The following URB1 variants were observed in gnomAD, a reference collection of about 807,000 sequenced individuals.
The protein encoded by URB1 is nucleolar pre-ribosomal-associated protein 1.
Under a neutral mutation model 242.3 loss-of-function variants are expected in URB1, and 197 were observed. The observed-to-expected ratio is 0.81, with a 90% confidence interval of 0.72 to 0.91. The LOEUF (loss-of-function observed/expected upper bound fraction) is 0.91. Among genes scored for constraint, URB1 ranks in the 40% least tolerant of loss-of-function variants. The probability of loss-of-function intolerance (pLI) is 0.00; values close to 1 mark genes in which losing one functional copy is unlikely to be tolerated. For synonymous variants in URB1, 1,153 were observed against 1,201.8 expected, an observed-to-expected ratio of 0.96 and a Z score of 0.84; for missense variants, 2,721 against 2,860.5, an observed-to-expected ratio of 0.95 and a Z score of 1.11.
In URB1 at chr21:32,354,208, G is replaced by C; in HGVS notation, c.2246-105C>G. On this transcript the variant is annotated intron_variant, in intron 17 of 38. Transcript: ENST00000382751. ...GCAGAATACGTGCAAAAAGAAAAAA[G>C]CCAAATTCCTCTTGGGGGGAGCATT... is the stretch of plus-strand genomic sequence containing the variant. The C allele has an allele frequency of 2.3e-6, 3 of 1,321,922 alleles. No homozygotes were observed. The East Asian group carries it at 7.6e-5, about 34-fold the overall frequency. The allele number at this position is 1,321,922 out of a possible 1,614,324, so 81.9% of individuals were successfully genotyped here. A position where few individuals can be genotyped will look rare whatever the true frequency, so the allele number is the denominator to read the frequency against.
chr21:32,317,125 A>C, intron 37 of URB1, 60 bp from the exon 38 acceptor site: 1 of 1,454,096 alleles, frequency 6.9e-7, no homozygotes, highest in Non-Finnish European at 9.0e-7. Flanking sequence ...ACACAGATCC[A>C]GATGTGGGGA....
In URB1 at chr21:32,345,365, C is replaced by G. The variant is rs1324120477; in HGVS notation, c.4070+9G>C. 1 of 1,549,582 alleles carries G rather than the reference C, an allele frequency of 6.5e-7. No individual in the cohort carries two copies. The stretch of plus-strand genomic sequence containing the variant: ...TGGAACATCCTGCAACCAACCTGAG[C>G]CTTCATACCTCTTGTGACTGCTTGG... On this transcript the variant is annotated intron_variant, in intron 23 of 38. Coordinates refer to ENST00000382751, the MANE Select transcript of URB1 (RefSeq NM_014825.3).
Position 32,325,271 on chromosome 21 carries a change from G to A in URB1, c.5079C>T (p.Tyr1693=). 1.3e-6 allele frequency: 2 copies of A among 1,551,728 alleles called. No individual in the cohort carries two copies. The highest frequency in any genetic ancestry group is 1.7e-6 in the Non-Finnish European group (2 of 1,146,994). The part of the protein sequence containing the change: ...RAIAYHVLAA[Y]YSHLEGARFQ... ...ACCGTGCGCCCTCCAAGTGCGAGTA[G>A]TAGGCCGCCAGGACATGGTAGGCTA... Residue 1693 remains tyrosine (Y), a synonymous_variant, in exon 31 of 39, where the codon TAC becomes TAT. Coordinates refer to ENST00000382751, the MANE Select transcript of URB1 (RefSeq NM_014825.3).
At chr21:32,352,984 C>T in intron 18 of URB1, 78 bp from the exon 19 acceptor site, 1 of 1,420,876 alleles carries the variant, frequency 7.0e-7, no homozygotes, top group Non-Finnish European at 9.3e-7. Flanking sequence ...CACCTTCTTC[C>T]ACATACAGGC....
chr21:32,377,435 T>TA (rs1601155871), intron 5 of URB1: 1 of 397,018 alleles, frequency 2.5e-6, no homozygotes, highest in East Asian at 8.1e-5. Flanking sequence ...TGTCACTGAA[T>TA]AAAAGGCCAG....
At chr21:32,349,193 G>T in intron 21 of URB1, 111 bp downstream of exon 21, 1 of 1,363,754 alleles carries the variant, frequency 7.3e-7, no homozygotes, top group Non-Finnish European at 9.7e-7. Flanking sequence ...TGTAGTTTCT[G>T]CATTTCCCAA....
chr21:32,355,108 T>A, intron 16 of URB1, 111 bp from the exon 17 acceptor site: 1 of 1,300,978 alleles, frequency 7.7e-7, no homozygotes, highest in South Asian at 1.6e-5. Flanking sequence ...GTTCAATCCT[T>A]AATTAGAATA....
chr21:32,354,971 G>C lies in URB1; in HGVS notation c.2133C>G (p.Pro711=), dbSNP rs994948352. The C allele has an allele frequency of 1.9e-6, 3 of 1,551,398 alleles. No individual in the cohort carries two copies. The highest frequency in any genetic ancestry group is 2.6e-6 in the Non-Finnish European group (3 of 1,146,526). The stretch of plus-strand genomic sequence containing the variant: ...CAGATGCTTTGTCTGTGTATGAATA[G>C]GGATTCGCCACCAATGTCAATAAAA... ...ERILLTLVAN[P]YSYTDKASDF... Residue 711 remains proline (P), a synonymous_variant, in exon 17 of 39, where the codon CCC becomes CCG. Coordinates refer to ENST00000382751, the MANE Select transcript of URB1 (RefSeq NM_014825.3).
chr21:32,351,635 A>G (rs1190047591), intron 19 of URB1, among the ~76,000 whole-genome samples: 1 of 152,098 alleles, frequency 6.6e-6, no homozygotes, highest in Non-Finnish European at 1.5e-5. Context: ...TGTGGCTGGA[A>G]CCCGGCAGTC....
chr21:32,385,823 T>A, intron 1 of URB1, 139 bp from the exon 2 acceptor site: 2 of 1,203,310 alleles, frequency 1.7e-6, no homozygotes, highest in Non-Finnish European at 2.2e-6. Context: ...ATGAATGCTA[T>A]CAACTTAACT....
intron 25 of URB1, among the ~76,000 whole-genome samples, chr21:32,341,135 A>C (rs1456333275): frequency 6.6e-6 from 1 of 152,250 alleles, no homozygotes; most frequent in Non-Finnish European, 1.5e-5. Flanking sequence ...ACCTCAGAAG[A>C]GTGTTGACCT....
chr21:32,348,760 C>T (rs1291974393), intron 21 of URB1, among the ~76,000 whole-genome samples: 1 of 152,184 alleles, frequency 6.6e-6, no homozygotes. Context: ...AAGAAAATAC[C>T]TCCCAGAAAG....
At chr21:32,378,932 T>C (rs1365909167) in intron 4 of URB1, among the ~76,000 whole-genome samples, 10 of 152,242 alleles carry the variant, frequency 6.6e-5, no homozygotes, top group Admixed American at 5.9e-4. Flanking sequence ...ATAATCTATG[T>C]TTTTGAAAAT....
intron 34 of URB1, among the ~76,000 whole-genome samples, chr21:32,321,449 T>A (rs2032764534): frequency 1.3e-5 from 2 of 152,088 alleles, no homozygotes; most frequent in African/African-American, 4.8e-5. Context: ...GACAGGGGGT[T>A]TCTAGACTTG....
At chr21:32,363,461 G>T (rs547582567) in intron 10 of URB1, 132 bp from the exon 11 acceptor site, 7 of 1,150,206 alleles carry the variant, frequency 6.1e-6, no homozygotes, top group Non-Finnish European at 8.4e-6. Context: ...TGGTCTCTAC[G>T]CTCTGAGAAG....
chr21:32,380,677 T>C (rs575648028), intron 4 of URB1, among the ~76,000 whole-genome samples: 10 of 147,340 alleles, frequency 6.8e-5, no homozygotes, highest in Admixed American at 1.3e-4. Context: ...ACATACCATC[T>C]AATTCAAGCA....
In URB1 at chr21:32,337,523, A is replaced by C; in HGVS notation, c.4511-9T>G. The C allele has an allele frequency of 1.3e-6, 2 of 1,551,200 alleles. No homozygotes were observed. The highest frequency in any genetic ancestry group is 1.7e-6 in the Non-Finnish European group (2 of 1,146,580). On this transcript the variant is annotated splice_polypyrimidine_tract_variant and intron_variant, in intron 26 of 38. Coordinates refer to ENST00000382751, the MANE Select transcript of URB1 (RefSeq NM_014825.3). ...CAGGTCCACCAGCGCTTCTGCAAGA[A>C]AACAACCCTGAAACACATGGCATGG...
rs16989254 is a variant in URB1, at chr21:32,318,564, A to G, written c.5793-647T>C. ...AACAAAAGGCCTTGTTCTTTTTATC[A>G]GGACATTTTTCCTTCTGAGATTACA... On this transcript the variant is annotated intron_variant, in intron 36 of 38. Coordinates refer to ENST00000382751, the MANE Select transcript of URB1 (RefSeq NM_014825.3). Among the ~76,000 whole-genome samples, 402 of 152,360 alleles carry G rather than the reference A, an allele frequency of 2.6e-3. 3 individuals are homozygous for G. The East Asian group carries it at 0.033, about 12-fold the overall frequency.
chr21:32,352,573 T>G (rs370428207), intron 19 of URB1, 137 bp downstream of exon 19: 4 of 962,206 alleles, frequency 4.2e-6, no homozygotes, highest in Non-Finnish European at 6.2e-6. Context: ...TCCTCTCTTA[T>G]GCAGGGGACT....
Sources: allele counts gnomAD v4.1 joint callset (sites outside exome capture counted in the v4.1 genomes callset), GRCh38; gene constraint gnomAD v4.1.1; transcripts MANE v1.5; gene names NCBI Gene and HGNC (gene_info 2026-07-23, HGNC 2026-07-21).